The following OXCT1 variants were observed in gnomAD, a reference collection of about 807,000 sequenced individuals.
The protein encoded by OXCT1 is succinyl-CoA:3-ketoacid coenzyme A transferase 1, mitochondrial.
A neutral mutation model predicts 69.6 loss-of-function variants in OXCT1; 27 were observed. The ratio of observed to expected loss-of-function variants is 0.39; its 90% confidence interval spans 0.29 to 0.54. The LOEUF is 0.54. Among genes scored for constraint, OXCT1 ranks in the 20% least tolerant of loss-of-function variants. The pLI is 0.72. For missense variants in OXCT1, 437 were observed against 650.2 expected, an observed-to-expected ratio of 0.67 and a Z score of 3.57; for synonymous variants, 202 against 217.8, an observed-to-expected ratio of 0.93 and a Z score of 0.64.
chr5:41,850,146 C>T lies in OXCT1; in HGVS notation c.448G>A (p.Ala150Thr), dbSNP rs1749111185. The T allele has an allele frequency of 6.2e-7, 1 of 1,613,700 alleles. No homozygotes were observed. Among genetic ancestry groups the T allele is most frequent in the Non-Finnish European group, 8.5e-7 (1 of 1,179,880 alleles). The change falls in exon 5 of 17, where the codon GCT (alanine) becomes ACT (threonine). Residue 150 changes from alanine (A) to threonine (T), a missense_variant. Ala to Thr is a moderately conservative substitution (Grantham distance 58). Transcript: ENST00000196371. ...GGGGTGTAAAATGCAGGAACTCCAG[C>T]CCCGCCTGCACGGATCCTCTCTGCA... Reference protein sequence around the residue: ...TLAERIRAGGAGVPAFYTPTG... With the variant: ...TLAERIRAGGTGVPAFYTPTG...
chr5:41,859,891 T>TATATATATATATATATATATATGTA (rs1554019118), intron 3 of OXCT1, among the ~76,000 whole-genome samples: 3 of 114,210 alleles, frequency 2.6e-5, no homozygotes, highest in Non-Finnish European at 3.9e-5. Context: ...ATATATGTAA[T>TATATATATATATATATATATATGTA]ATATATATAT....
intron 16 of OXCT1, among the ~76,000 whole-genome samples, chr5:41,734,924 T>C (rs190524763): frequency 2.6e-5 from 4 of 152,280 alleles, no homozygotes; most frequent in Non-Finnish European, 4.4e-5. Context: ...GCCATTAGAA[T>C]GGCCACTATT....
chr5:41,840,779 A>G (rs1312926589), intron 6 of OXCT1, among the ~76,000 whole-genome samples: 1 of 152,228 alleles, frequency 6.6e-6, no homozygotes. Context: ...ACATATAGCT[A>G]CAACAAAAAA....
chr5:41,793,885 A>G (rs1746049194), intron 13 of OXCT1, 118 bp downstream of exon 13: 2 of 710,920 alleles, frequency 2.8e-6, no homozygotes, highest in Non-Finnish European at 2.5e-6. Context: ...TCTAGTAAGA[A>G]ATATATATTA....
chr5:41,781,956 A>C (rs1039505150), intron 13 of OXCT1, among the ~76,000 whole-genome samples: 1 of 152,228 alleles, frequency 6.6e-6, no homozygotes, highest in Non-Finnish European at 1.5e-5. Context: ...TTATGTTCCC[A>C]TGGGTATATA....
intron 13 of OXCT1, among the ~76,000 whole-genome samples, chr5:41,763,115 G>T (rs1289953903): frequency 2.0e-5 from 3 of 152,072 alleles, no homozygotes; most frequent in Non-Finnish European, 2.9e-5. Context: ...TAATGTTAGA[G>T]CTATAAGGAG....
intron 13 of OXCT1, among the ~76,000 whole-genome samples, chr5:41,787,227 C>T (rs1445899665): frequency 6.6e-6 from 1 of 152,106 alleles, no homozygotes; most frequent in East Asian, 1.9e-4. Context: ...AGTAAATACA[C>T]AATGACATAA....
Position 41,853,399 on chromosome 5 carries a change from AG to A in OXCT1, c.414+19del. On this transcript the variant is annotated intron_variant, in intron 4 of 16. Coordinates refer to ENST00000196371, the MANE Select transcript of OXCT1 (RefSeq NM_000436.4). ...TTTTAAAGTAAGTTAGTATTATAAA[AG>A]AAAAGCAAATTTTCTCACCTGTGGT... is the stretch of plus-strand genomic sequence containing the variant. 3 of 1,611,036 alleles carry A rather than the reference AG, an allele frequency of 1.9e-6. No homozygotes were observed. The highest frequency in any genetic ancestry group is 2.5e-6 in the Non-Finnish European group (3 of 1,177,448).
chr5:41,853,771 A>T (rs965577709), intron 3 of OXCT1: 5 of 644,650 alleles, frequency 7.8e-6, no homozygotes, highest in African/African-American at 1.8e-5. Context: ...AGTTTAAGTT[A>T]TTTTTTTGTG....
intron 14 of OXCT1, among the ~76,000 whole-genome samples, chr5:41,760,191 G>A (rs932955644): frequency 2.6e-5 from 4 of 152,100 alleles, no homozygotes; most frequent in East Asian, 1.9e-4. Flanking sequence ...CTACATATTC[G>A]AGAGCCACAA....
intron 7 of OXCT1, among the ~76,000 whole-genome samples, chr5:41,835,184 T>C (rs1241790233): frequency 6.6e-6 from 1 of 152,222 alleles, no homozygotes; most frequent in Non-Finnish European, 1.5e-5. Flanking sequence ...CGTTAGTGGC[T>C]ACTAGGAGCA....
At chr5:41,823,407 T>A (rs2112338249) in intron 7 of OXCT1, among the ~76,000 whole-genome samples, 1 of 152,314 alleles carries the variant, frequency 6.6e-6, no homozygotes, top group East Asian at 1.9e-4. Context: ...CTCTGGAGTC[T>A]AACTCTCAAA....
chr5:41,776,010 T>G (rs1400123266), intron 13 of OXCT1, among the ~76,000 whole-genome samples: 1 of 152,014 alleles, frequency 6.6e-6, no homozygotes, highest in Non-Finnish European at 1.5e-5. Flanking sequence ...TTTTATATAG[T>G]GAGCAAACCT....
intron 11 of OXCT1, among the ~76,000 whole-genome samples, chr5:41,798,443 G>A (rs139846205): frequency 6.6e-6 from 1 of 152,230 alleles, no homozygotes; most frequent in Non-Finnish European, 1.5e-5. Flanking sequence ...GCTGTGGGAT[G>A]TTTATCAGCA....
intron 3 of OXCT1, among the ~76,000 whole-genome samples, chr5:41,855,025 C>A (rs1579889183): frequency 6.6e-6 from 1 of 152,098 alleles, no homozygotes; most frequent in East Asian, 1.9e-4. Flanking sequence ...TGGAGCCTCC[C>A]AAATGCTCAT....
At position 41,870,412 on chromosome 5, in the gene OXCT1, C is replaced by G; in HGVS notation, c.-54G>C. The stretch of plus-strand genomic sequence containing the variant: ...CGGGTTGGAGCGCGCGTTTGAGCGT[C>G]GGTGCGCGACTGCGAAGGAAACCCG... On this transcript the variant is annotated 5_prime_UTR_variant, in exon 1 of 17. Coordinates refer to ENST00000196371, the MANE Select transcript of OXCT1 (RefSeq NM_000436.4). The surrounding 1 kb of genome is among the most constrained non-coding windows in gnomAD (Gnocchi z 4.2). 1 of 1,360,860 alleles carries G rather than the reference C, an allele frequency of 7.3e-7. No individual in the cohort carries two copies. The allele number at this position is 1,360,860 out of a possible 1,614,324, so 84.3% of individuals were successfully genotyped here.
intron 2 of OXCT1, among the ~76,000 whole-genome samples, chr5:41,861,913 C>T (rs1226265046): frequency 1.3e-5 from 2 of 152,224 alleles, no homozygotes; most frequent in African/African-American, 2.4e-5. Flanking sequence ...CATTATTTAT[C>T]AGAAGCAGGC....
At chr5:41,859,111 T>C (rs1749598596) in intron 3 of OXCT1, among the ~76,000 whole-genome samples, 1 of 152,242 alleles carries the variant, frequency 6.6e-6, no homozygotes, top group Non-Finnish European at 1.5e-5. Flanking sequence ...CCAGCACATC[T>C]ACACTGTATA....
intron 5 of OXCT1, among the ~76,000 whole-genome samples, chr5:41,843,392 T>G (rs1748740517): frequency 6.6e-6 from 1 of 152,194 alleles, no homozygotes; most frequent in South Asian, 2.1e-4. Context: ...GCTTTATTTT[T>G]TTTCTTAGGT....
Sources: gnomAD v4.1 joint callset for allele counts (sites outside exome capture counted in the v4.1 genomes callset) on GRCh38, gnomAD v4.1.1 for gene constraint, Gnocchi (gnomAD v3.1) non-coding constraint, MANE v1.5 for transcripts, NCBI Gene and HGNC (gene_info 2026-07-23, HGNC 2026-07-21) for gene names.